Variants in TRIM3 observed in about 807,000 individuals in gnomAD.
TRIM3 encodes the protein tripartite motif-containing protein 3.
A neutral mutation model predicts 66.6 loss-of-function variants in TRIM3; 13 were observed. The ratio of observed to expected loss-of-function variants is 0.20; its 90% CI spans 0.13 to 0.31. The LOEUF (loss-of-function observed/expected upper bound fraction) is 0.31. Ranked by LOEUF, TRIM3 falls within the 10% of genes least tolerant of loss-of-function variation. TRIM3 has a pLI of 1.00. For synonymous variants in TRIM3, 406 were observed against 411.7 expected, an observed-to-expected ratio of 0.99 and a Z score of 0.17; for missense variants, 711 against 1,020.4, an observed-to-expected ratio of 0.70 and a Z score of 4.13.
At chr11:6,472,874 A>G (rs970515833) in intron 1 of TRIM3, among the ~76,000 whole-genome samples, 2 of 152,164 alleles carry the variant, frequency 1.3e-5, no homozygotes, top group Non-Finnish European at 2.9e-5. Context: ...TCTGATTCCA[A>G]TTCTGCAGCA....
Position 6,450,442 on chromosome 11 carries a change from T to C in TRIM3, c.1941+109A>G. The C allele has an allele frequency of 1.0e-6, 1 of 971,776 alleles. No individual in the cohort carries two copies. The highest frequency in any genetic ancestry group is 1.6e-6 in the Non-Finnish European group (1 of 610,144). The allele number at this position is 971,776 out of a possible 1,614,324, so 60.2% of individuals were successfully genotyped here. ...GCATAAATGTGTAAATGTGTATTGTTTGAGTGAATGATCTCAAAGGGGAAA... is the reference window on the plus strand; with the variant it reads ...GCATAAATGTGTAAATGTGTATTGTCTGAGTGAATGATCTCAAAGGGGAAA... On this transcript the variant is annotated intron_variant, in intron 10 of 11. Transcript: ENST00000345851. The surrounding 1 kb of genome is among the most constrained non-coding windows in gnomAD (Gnocchi z 4.8).
At chr11:6,463,911 G>C (rs755791471) in intron 2 of TRIM3, among the ~76,000 whole-genome samples, 2 of 152,198 alleles carry the variant, frequency 1.3e-5, no homozygotes, top group Non-Finnish European at 2.9e-5. Flanking sequence ...TGATAAAGGA[G>C]AGTGGGCAGT....
intron 2 of TRIM3, 100 bp downstream of exon 2, chr11:6,465,465 T>C: frequency 6.8e-7 from 1 of 1,471,512 alleles, no homozygotes; most frequent in Non-Finnish European, 9.4e-7. Flanking sequence ...CCTCACCTAC[T>C]ACAGGTTTAC....
chr11:6,458,847 G>A lies in TRIM3; in HGVS notation c.132-551C>T, dbSNP rs531354163. 6.6e-5 allele frequency among the ~76,000 whole-genome samples: 10 copies of A among 152,296 alleles called. No homozygotes were observed. Among genetic ancestry groups the A allele is most frequent in the African/African-American group, 2.4e-4 (10 of 41,556 alleles). On this transcript the variant is annotated intron_variant, in intron 2 of 11. Transcript: ENST00000345851. This position sits in a 1 kb window ranked among gnomAD's most constrained non-coding sequence, Gnocchi z 6.2. ...TGTTATACTGTATGACCCCTGACAA[G>A]TTACATAACTTTGACAAGCCAAGGA... is the stretch of plus-strand genomic sequence containing the variant.
Position 6,457,030 on chromosome 11 carries a change from C to T in TRIM3, c.697-1G>A. On this transcript the variant is annotated splice_acceptor_variant, in intron 5 of 11. Coordinates refer to ENST00000345851, the MANE Select transcript of TRIM3 (RefSeq NM_033278.4). LOFTEE classifies it high-confidence loss of function. The surrounding 1 kb of genome is among the most constrained non-coding windows in gnomAD (Gnocchi z 4.5). ...GTGTGTCCAGCTGGCTTTGCAACAC[C>T]TGATGAGGGGTAGGGGAGGAGTGGG... The T allele has an allele frequency of 6.3e-7, 1 of 1,583,926 alleles. No individual in the cohort carries two copies.
chr11:6,460,335 A>G (rs1489425013), intron 2 of TRIM3, among the ~76,000 whole-genome samples: 4 of 152,154 alleles, frequency 2.6e-5, no homozygotes, highest in Admixed American at 6.5e-5. Context: ...GAAAGTTCCA[A>G]TGAGGAGCTG....
At chr11:6,461,326 G>C (rs1850227970) in intron 2 of TRIM3, among the ~76,000 whole-genome samples, 1 of 152,080 alleles carries the variant, frequency 6.6e-6, no homozygotes, top group African/African-American at 2.4e-5. Flanking sequence ...TTCCCAACTG[G>C]AACATTTCTG....
intron 2 of TRIM3, 25 bp downstream of exon 2, chr11:6,465,540 C>T (rs1406258032): frequency 1.2e-6 from 2 of 1,613,876 alleles, no homozygotes; most frequent in Admixed American, 1.7e-5. Context: ...GTCCTCATCC[C>T]TCCCCAGTAC....
chr11:6,455,370 C>T (rs1373872995), intron 7 of TRIM3, among the ~76,000 whole-genome samples: 1 of 152,192 alleles, frequency 6.6e-6, no homozygotes, highest in Non-Finnish European at 1.5e-5. Context: ...CTTTTAACTG[C>T]TCTGCTGTGT....
intron 2 of TRIM3, among the ~76,000 whole-genome samples, chr11:6,464,147 G>A (rs1201774273): frequency 1.2e-4 from 19 of 152,288 alleles, no homozygotes; most frequent in Non-Finnish European, 1.2e-4. Flanking sequence ...AAGGCTTCAT[G>A]TGGCTCTCAG....
chr11:6,453,812 A>G (rs1037224794), intron 7 of TRIM3, among the ~76,000 whole-genome samples: 3 of 152,242 alleles, frequency 2.0e-5, no homozygotes, highest in Non-Finnish European at 1.5e-5. Context: ...AGTGTCCAAA[A>G]GAGAAAACGG....
intron 7 of TRIM3, among the ~76,000 whole-genome samples, chr11:6,454,348 A>C (rs1434084846): frequency 1.3e-5 from 2 of 151,094 alleles, no homozygotes; most frequent in Non-Finnish European, 2.9e-5. Flanking sequence ...CTGTGATCAT[A>C]GCACTGTACT....
intron 2 of TRIM3, among the ~76,000 whole-genome samples, chr11:6,460,025 T>C (rs891923425): frequency 5.9e-5 from 9 of 152,056 alleles, no homozygotes; most frequent in Non-Finnish European, 1.2e-4. Context: ...CAAGAAAGCA[T>C]AGACAGTGAT....
chr11:6,460,836 T>G (rs1850196489), intron 2 of TRIM3, among the ~76,000 whole-genome samples: 1 of 152,088 alleles, frequency 6.6e-6, no homozygotes, highest in South Asian at 2.1e-4. Context: ...GGCATGATTC[T>G]AAGTGCTTCA....
At chr11:6,454,794 A>T (rs1018119902) in intron 7 of TRIM3, among the ~76,000 whole-genome samples, 2 of 152,204 alleles carry the variant, frequency 1.3e-5, no homozygotes, top group Non-Finnish European at 2.9e-5. Context: ...AGCAGGGGTC[A>T]GAGAGTAGCC....
At chr11:6,454,102 G>C (rs1318342424) in intron 7 of TRIM3, among the ~76,000 whole-genome samples, 1 of 152,182 alleles carries the variant, frequency 6.6e-6, no homozygotes, top group Admixed American at 6.5e-5. Flanking sequence ...GGGGAGGCCA[G>C]GTGCAGTGGC....
intron 8 of TRIM3, 95 bp downstream of exon 8, chr11:6,451,176 G>A: frequency 6.3e-7 from 1 of 1,583,504 alleles, no homozygotes; most frequent in East Asian, 2.2e-5. Context: ...GGAGGAGGTA[G>A]GATTGGATCA....
intron 1 of TRIM3, among the ~76,000 whole-genome samples, chr11:6,471,151 A>G (rs1850672783): frequency 1.3e-5 from 2 of 152,224 alleles, no homozygotes; most frequent in South Asian, 4.1e-4. Flanking sequence ...AAATTCTCAA[A>G]TAGCATTAAT....
At chr11:6,451,551 C>A in intron 7 of TRIM3, 113 bp from the exon 8 acceptor site, 1 of 1,194,140 alleles carries the variant, frequency 8.4e-7, no homozygotes. Context: ...TTTATTCAGT[C>A]ATTCAACAAG....
Sources: allele counts gnomAD v4.1 joint callset (sites outside exome capture counted in the v4.1 genomes callset), GRCh38; gene constraint gnomAD v4.1.1; non-coding constraint Gnocchi (gnomAD v3.1); transcripts MANE v1.5; gene names NCBI Gene and HGNC (gene_info 2026-07-23, HGNC 2026-07-21).